Variants in JAKMIP1 observed in about 807,000 individuals in gnomAD.
JAKMIP1 encodes the protein janus kinase and microtubule interacting protein 1.
Under a neutral mutation model 113.0 loss-of-function variants are expected in JAKMIP1, and 33 were observed. That is an observed-to-expected ratio of 0.29 (90% CI 0.22 to 0.39). JAKMIP1 has a LOEUF of 0.39. Among genes scored for constraint, JAKMIP1 ranks in the 10% least tolerant of loss-of-function variants. The pLI is 1.00. For synonymous variants in JAKMIP1, 480 were observed against 459.9 expected (o/e 1.04, Z -0.56); for missense variants, 813 against 1,080.5 (o/e 0.75, Z 3.47).
chr4:6,040,713 G>C lies in JAKMIP1; in HGVS notation c.2101C>G (p.Leu701Val). The C allele has an allele frequency of 6.2e-7, 1 of 1,613,056 alleles. No individual in the cohort carries two copies. ...KMLDLEKEKD[L>V]FSRQKGYLEE... Reference sequence around the variant, plus strand: ...AGGTAGCCCTTCTGCCTGCTGAACAGGTCCTGAGAAAGAGGGAGGCGCCAT... The same window carrying C: ...AGGTAGCCCTTCTGCCTGCTGAACACGTCCTGAGAAAGAGGGAGGCGCCAT... Residue 701 changes from leucine to valine, a missense_variant, in exon 18 of 21, where the codon CTG (leucine) becomes GTG (valine). Leu to Val is a conservative substitution (Grantham distance 32, BLOSUM62 1). Coordinates refer to ENST00000409021, the MANE Select transcript of JAKMIP1 (RefSeq NM_001099433.2). This position sits in a 1 kb window ranked among gnomAD's most constrained non-coding sequence, Gnocchi z 5.8.
intron 12 of JAKMIP1, 136 bp downstream of exon 12, chr4:6,056,561 G>T: frequency 1.4e-6 from 1 of 692,968 alleles, no homozygotes; most frequent in Non-Finnish European, 2.6e-6. Flanking sequence ...CTCTCCTCAT[G>T]GGAGGTGTGC....
rs1048421065 is a variant in JAKMIP1, at chr4:6,141,882, G to A, written c.-147-28885C>T. 3.3e-5 allele frequency among the ~76,000 whole-genome samples: 5 copies of A among 152,128 alleles called. No homozygotes were observed. The highest frequency in any genetic ancestry group is 1.3e-4 in the Admixed American group (2 of 15,284). On this transcript the variant is annotated intron_variant, in intron 1 of 20. Transcript: ENST00000409021. This position sits in a 1 kb window ranked among gnomAD's most constrained non-coding sequence, Gnocchi z 9.4. ...GGCTCTGGCATGGAGAGGCGCTTACGCTTCCTAAGGGCGTTAACCGTCTCT... is the reference window on the plus strand; with the variant it reads ...GGCTCTGGCATGGAGAGGCGCTTACACTTCCTAAGGGCGTTAACCGTCTCT...
intron 20 of JAKMIP1, among the ~76,000 whole-genome samples, chr4:6,028,523 C>A (rs774702390): frequency 6.6e-5 from 10 of 152,258 alleles, no homozygotes; most frequent in African/African-American, 1.2e-4. Context: ...TCCCATCTCT[C>A]TGGGCACATG....
chr4:6,032,746 G>C (rs1374130697), intron 19 of JAKMIP1, among the ~76,000 whole-genome samples: 2 of 152,232 alleles, frequency 1.3e-5, no homozygotes, highest in African/African-American at 4.8e-5. Flanking sequence ...CTCTGAGAGA[G>C]GTGGACAATG....
In JAKMIP1 at chr4:6,192,988, T is replaced by C. The variant is rs1320266566; in HGVS notation, c.-148+7265A>G. Among the ~76,000 whole-genome samples, 1 of 152,138 alleles carries C rather than the reference T, an allele frequency of 6.6e-6. No homozygotes were observed. Among genetic ancestry groups the C allele is most frequent in the Non-Finnish European group, 1.5e-5 (1 of 68,022 alleles). ...GGGTGTTCCCAAAAGAGATTAACAATTGAGTCAGTGGACTGGGAGAGGCAG... is the reference window on the plus strand; with the variant it reads ...GGGTGTTCCCAAAAGAGATTAACAACTGAGTCAGTGGACTGGGAGAGGCAG... On this transcript the variant is annotated intron_variant, in intron 1 of 20. Coordinates refer to ENST00000409021, the MANE Select transcript of JAKMIP1 (RefSeq NM_001099433.2). This position sits in a 1 kb window ranked among gnomAD's most constrained non-coding sequence, Gnocchi z 5.0.
chr4:6,078,098 C>G (rs1719937773), intron 8 of JAKMIP1, among the ~76,000 whole-genome samples: 2 of 152,018 alleles, frequency 1.3e-5, no homozygotes, highest in Admixed American at 1.3e-4. Context: ...CACTTGTGTT[C>G]AATAAAAAGG....
At chr4:6,172,244 G>A (rs968149223) in intron 1 of JAKMIP1, among the ~76,000 whole-genome samples, 3 of 152,320 alleles carry the variant, frequency 2.0e-5, no homozygotes, top group African/African-American at 4.8e-5. Context: ...AGCACTGGCC[G>A]AGAAGCCAGC....
In JAKMIP1 at chr4:6,137,575, C is replaced by T. The variant is rs538823560; in HGVS notation, c.-147-24578G>A. 9.2e-5 allele frequency among the ~76,000 whole-genome samples: 14 copies of T among 152,350 alleles called. No individual in the cohort carries two copies. Among genetic ancestry groups the T allele is most frequent in the East Asian group, 1.9e-4 (1 of 5,176 alleles). On this transcript the variant is annotated intron_variant, in intron 1 of 20. Transcript: ENST00000409021. This position sits in a 1 kb window ranked among gnomAD's most constrained non-coding sequence, Gnocchi z 4.5. Reference sequence around the variant, plus strand: ...GTTCCAGATGGCCTCACTCGAGAGACGCTCTTTTTCAGCCAATCCACACTC... The same window carrying T: ...GTTCCAGATGGCCTCACTCGAGAGATGCTCTTTTTCAGCCAATCCACACTC...
At chr4:6,045,260 T>TC (rs1330756788) in intron 16 of JAKMIP1, among the ~76,000 whole-genome samples, 1 of 152,258 alleles carries the variant, frequency 6.6e-6, no homozygotes, top group Non-Finnish European at 1.5e-5. Flanking sequence ...TGTCTTTTTC[T>TC]CGATCCACTT....
At chr4:6,091,913 G>A (rs1345464956) in intron 3 of JAKMIP1, among the ~76,000 whole-genome samples, 1 of 152,096 alleles carries the variant, frequency 6.6e-6, no homozygotes, top group African/African-American at 2.4e-5. Flanking sequence ...ATCTCTTCCA[G>A]CATCTCATCT....
chr4:6,164,166 G>A (rs77655582), intron 1 of JAKMIP1, among the ~76,000 whole-genome samples: 1,631 of 152,300 alleles, frequency 0.011, 29 homozygotes, highest in African/African-American at 0.038. Flanking sequence ...AGGAGAAGTC[G>A]ATGCCTAGCT....
chr4:6,066,861 G>C (rs999569219), intron 8 of JAKMIP1, among the ~76,000 whole-genome samples: 1 of 152,038 alleles, frequency 6.6e-6, no homozygotes, highest in Non-Finnish European at 1.5e-5. Context: ...CTCCCATCCT[G>C]CCCTGGCATC....
At chr4:6,054,427 G>A (rs937435405) in intron 12 of JAKMIP1, among the ~76,000 whole-genome samples, 1 of 152,196 alleles carries the variant, frequency 6.6e-6, no homozygotes, top group African/African-American at 2.4e-5. Context: ...CATATTTGCT[G>A]AATAAATGAA....
At chr4:6,079,081 G>T in intron 7 of JAKMIP1, 83 bp from the exon 8 acceptor site, 1 of 1,470,388 alleles carries the variant, frequency 6.8e-7, no homozygotes, top group Non-Finnish European at 9.5e-7. Context: ...AGGGAGCTGG[G>T]CCTGCCCATC....
chr4:6,140,107 A>G lies in JAKMIP1; in HGVS notation c.-147-27110T>C, dbSNP rs907742117. 6.6e-6 allele frequency among the ~76,000 whole-genome samples: 1 copy of G among 152,166 alleles called. No individual in the cohort carries two copies. Among genetic ancestry groups the G allele is most frequent in the East Asian group, 1.9e-4 (1 of 5,198 alleles). The stretch of plus-strand genomic sequence containing the variant: ...ATTAGATGGATTGAGATGTACTGAG[A>G]ATAGCTATGAACTATTGTCCCAGTT... On this transcript the variant is annotated intron_variant, in intron 1 of 20. Transcript: ENST00000409021. The surrounding 1 kb of genome is among the most constrained non-coding windows in gnomAD (Gnocchi z 9.4).
At position 6,168,650 on chromosome 4, in the gene JAKMIP1, G is replaced by A. The variant is rs1723949729; in HGVS notation, c.-148+31603C>T. Among the ~76,000 whole-genome samples the A allele has an allele frequency of 6.6e-6, 1 of 152,138 alleles. No individual in the cohort carries two copies. The highest frequency in any genetic ancestry group is 2.1e-4 in the South Asian group (1 of 4,818). ...TCACACCTGTAATCCCAGCACTTTG[G>A]GAGGGCGAGGCGGGCAGATTTTTTG... On this transcript the variant is annotated intron_variant, in intron 1 of 20. Coordinates refer to ENST00000409021, the MANE Select transcript of JAKMIP1 (RefSeq NM_001099433.2). The surrounding 1 kb of genome is among the most constrained non-coding windows in gnomAD (Gnocchi z 4.6).
At chr4:6,148,490 G>A (rs1200864401) in intron 1 of JAKMIP1, among the ~76,000 whole-genome samples, 4 of 152,240 alleles carry the variant, frequency 2.6e-5, no homozygotes, top group Non-Finnish European at 4.4e-5. Context: ...ACTTGGAATC[G>A]GAATGCTTTG....
chr4:6,099,965 G>C (rs970811902), intron 3 of JAKMIP1, among the ~76,000 whole-genome samples: 1 of 152,106 alleles, frequency 6.6e-6, no homozygotes, highest in African/African-American at 2.4e-5. Context: ...TTTTAATTTA[G>C]CCATCCTGGT....
intron 1 of JAKMIP1, among the ~76,000 whole-genome samples, chr4:6,174,781 C>T (rs954314673): frequency 6.6e-6 from 1 of 151,546 alleles, no homozygotes; most frequent in African/African-American, 2.4e-5. Flanking sequence ...AACTACACCA[C>T]GACACCCAGC....
Sources: gnomAD v4.1 joint callset for allele counts (sites outside exome capture counted in the v4.1 genomes callset) on GRCh38, gnomAD v4.1.1 for gene constraint, Gnocchi (gnomAD v3.1) non-coding constraint, MANE v1.5 for transcripts, NCBI Gene and HGNC (gene_info 2026-07-23, HGNC 2026-07-21) for gene names.